BEND2: variants seen among roughly 807,000 people sequenced by gnomAD.
BEND2 encodes BEN domain containing 2, also known as BEN domain-containing protein 2.
In BEND2, 19 loss-of-function variants were observed where a neutral mutation model predicts 43.8. The observed-to-expected ratio is 0.43, with a 90% CI of 0.30 to 0.64. The LOEUF is 0.64. Among genes scored for constraint, BEND2 ranks in the 30% least tolerant of loss-of-function variants. BEND2 has a pLI of 0.11. For missense variants in BEND2, 544 were observed against 574.0 expected (o/e 0.95, Z 0.53); for synonymous variants, 226 against 210.1 (o/e 1.08, Z -0.66).
chrX:18,177,989 A>G (rs970593583), intron 9 of BEND2, among the ~76,000 whole-genome samples: 4 of 111,393 alleles, frequency 3.6e-5, no homozygotes, highest in Non-Finnish European at 5.7e-5. Flanking sequence ...CCATCTGCCA[A>G]ACTGTCAACA....
rs1203015789 is a variant in BEND2 at position 18,174,129 on chromosome X, T to G, written c.1882A>C (p.Met628Leu). Residue 628 changes from methionine to leucine, a missense_variant, in exon 12 of 14, where the codon ATG (methionine) becomes CTG (leucine). By Grantham distance (15) the Met-to-Leu change is conservative. Around this residue, in one of 2 missense-constraint regions of BEND2, gnomAD observed 501 missense variants for 501.6 expected, o/e 1.00. Coordinates refer to ENST00000380033, the MANE Select transcript of BEND2 (RefSeq NM_153346.5). ...WMFQPMNNSK[M>L]REKRNLQPNS... ...GGCTGCAAGTTCCTCTTTTCTCTCA[T>G]TTTGGAGTTATTCATTGGCTGAAAC... 1.7e-6 allele frequency: 2 copies of G among 1,211,707 alleles called. 1 individual carries two copies. The highest frequency in any genetic ancestry group is 4.3e-5 in the Admixed American group (2 of 46,040).
intron 4 of BEND2, among the ~76,000 whole-genome samples, chrX:18,211,203 C>T (rs1460454424): frequency 8.9e-6 from 1 of 111,779 alleles, no homozygotes; most frequent in South Asian, 3.7e-4. Flanking sequence ...TAAACAAATA[C>T]ATTTTCTGTT....
chrX:18,176,673 T>C (rs1046085520), intron 10 of BEND2, among the ~76,000 whole-genome samples: 17 of 110,048 alleles, frequency 1.5e-4, no homozygotes, highest in Non-Finnish European at 1.9e-5. Context: ...AGCAAGACCA[T>C]GCGTCTGAAA....
At chrX:18,191,257 C>T (rs902804193) in intron 7 of BEND2, 149 bp from the exon 8 acceptor site, 91 of 427,878 alleles carry the variant, frequency 2.1e-4, no homozygotes, top group Middle Eastern at 6.7e-4. Context: ...CTTTAAAAAA[C>T]GGTGACTGGC....
Position 18,195,417 on chromosome X carries a change from C to T in BEND2, c.1059G>A (p.Met353Ile). Reference protein sequence around the residue: ...YFAEKIILTEMPGTTETNVEN... With the variant: ...YFAEKIILTEIPGTTETNVEN... ...CCACGTTGGTTTCTGTTGTTCCTGG[C>T]ATTTCAGTAAGTATAATTTTCTCAG... Residue 353 changes from methionine to isoleucine, a missense_variant, in exon 7 of 14, where the codon ATG becomes ATA. Physicochemically the swap from Met to Ile is conservative, Grantham distance 10 (BLOSUM62 1). Coordinates refer to ENST00000380033, the MANE Select transcript of BEND2 (RefSeq NM_153346.5). The T allele has an allele frequency of 8.3e-7, 1 of 1,204,640 alleles. No homozygotes were observed. The highest frequency in any genetic ancestry group is 1.1e-6 in the Non-Finnish European group (1 of 891,792).
chrX:18,196,835 G>A (rs1924969928), intron 6 of BEND2, among the ~76,000 whole-genome samples: 2 of 111,364 alleles, frequency 1.8e-5, no homozygotes, highest in Non-Finnish European at 1.9e-5. Flanking sequence ...GAGAGGTGGG[G>A]GTGGTTATCA....
intron 5 of BEND2, among the ~76,000 whole-genome samples, chrX:18,203,046 A>G (rs141115867): frequency 0.033 from 3,731 of 111,595 alleles, 150 homozygotes; most frequent in African/African-American, 0.11. Context: ...ATATGCATCC[A>G]ATTATATAAC....
At chrX:18,210,929 G>A (rs915436677) in intron 4 of BEND2, among the ~76,000 whole-genome samples, 4 of 111,179 alleles carry the variant, frequency 3.6e-5, no homozygotes, top group Non-Finnish European at 5.7e-5. Context: ...AAAATTAATC[G>A]AATTAGCCCA....
intron 8 of BEND2, among the ~76,000 whole-genome samples, chrX:18,190,481 T>C (rs1408541196): frequency 9.0e-6 from 1 of 111,613 alleles, no homozygotes; most frequent in Non-Finnish European, 1.9e-5. Context: ...GGTTAAATGG[T>C]ATATCAGTCC....
chrX:18,165,145 T>C lies in BEND2; in HGVS notation c.2264A>G (p.Asn755Ser). The C allele has an allele frequency of 5.8e-6, 7 of 1,210,171 alleles. No individual in the cohort carries two copies. Among genetic ancestry groups the C allele is most frequent in the Non-Finnish European group, 6.7e-6 (6 of 895,214 alleles). ...ATGTCTAAGGCTACGGATACCGCTGTTGATGGAGGTCACACACGACTTCCA... is the reference window on the plus strand; with the variant it reads ...ATGTCTAAGGCTACGGATACCGCTGCTGATGGAGGTCACACACGACTTCCA... ...RDWKSCVTSI[N>S]SGIRSLRHDV... Residue 755 changes from asparagine to serine, a missense_variant, in exon 14 of 14, where the codon AAC becomes AGC. Asn to Ser is a conservative substitution (Grantham distance 46, BLOSUM62 1). Transcript: ENST00000380033.
rs765356565 is a variant in BEND2, at chrX:18,179,814, C to G, written c.1429+696G>C. Among the ~76,000 whole-genome samples the G allele has an allele frequency of 5.3e-5, 6 of 112,666 alleles. No homozygotes were observed. In the South Asian group the frequency reaches 2.2e-3, roughly 42 times the overall value. On this transcript the variant is annotated intron_variant, in intron 9 of 13. Transcript: ENST00000380033. Reference sequence around the variant, plus strand: ...TATTTGGAAGGCTTACCCTTAGAAGCCACAGAGCTTGGGGTCCCCTCATCT... The same window carrying G: ...TATTTGGAAGGCTTACCCTTAGAAGGCACAGAGCTTGGGGTCCCCTCATCT...
chrX:18,201,418 C>CAAAAAAAAAAAAAAAAAAAAAAAAAAAAA (rs367821568), intron 6 of BEND2, among the ~76,000 whole-genome samples: 3 of 52,791 alleles, frequency 5.7e-5, no homozygotes, highest in African/African-American at 8.0e-5. Context: ...AAAAAAAAAA[C>CAAAAAAAAAAAAAAAAAAAAAAAAAAAAA]AAAAAAAAAA....
intron 10 of BEND2, 89 bp from the exon 11 acceptor site, chrX:18,176,182 A>G: frequency 1.2e-6 from 1 of 854,097 alleles, no homozygotes; most frequent in South Asian, 2.9e-5. Flanking sequence ...TGACTTTTAG[A>G]TGGTTACATT....
chrX:18,173,829 A>C (rs1265009295), intron 12 of BEND2, among the ~76,000 whole-genome samples: 1 of 111,770 alleles, frequency 8.9e-6, no homozygotes, highest in Non-Finnish European at 1.9e-5. Context: ...GAAAAATAAC[A>C]ATCAGTCTTA....
Position 18,203,544 on chromosome X carries a change from G to A in BEND2, c.864C>T (p.Gly288=), listed in dbSNP as rs146085142. The stretch of plus-strand genomic sequence containing the variant: ...AGAAAGATGACAAGGCTCTACCTGG[G>A]CCCACATTTTCATTTTCTGGTAGAG... ...YSALPENENV[G]PGRALSSFCF... is the part of the protein sequence containing the mutation. The change falls in exon 5 of 14, where the codon GGC becomes GGT. Residue 288 remains glycine, a synonymous_variant. Transcript: ENST00000380033. The A allele has an allele frequency of 1.0e-4, 123 of 1,209,393 alleles. No individual in the cohort carries two copies. In the African/African-American group the frequency reaches 1.8e-3, roughly 17 times the overall value.
chrX:18,210,129 A>C (rs1925459947), intron 4 of BEND2, among the ~76,000 whole-genome samples: 1 of 110,463 alleles, frequency 9.1e-6, no homozygotes, highest in African/African-American at 3.3e-5. Flanking sequence ...TCTAATGAAA[A>C]GAAGCATACA....
intron 1 of BEND2, among the ~76,000 whole-genome samples, chrX:18,219,684 T>A (rs1038978016): frequency 8.9e-6 from 1 of 111,819 alleles, no homozygotes; most frequent in East Asian, 2.8e-4. Context: ...GGCGGGAGCA[T>A]TGCCTGAGCC....
rs141555205 is a variant in BEND2, at chrX:18,193,062, A to C, written c.1181-1954T>G. Among the ~76,000 whole-genome samples the C allele has an allele frequency of 3.5e-3, 390 of 112,347 alleles. 3 individuals are homozygous for C. Among genetic ancestry groups the C allele is most frequent in the African/African-American group, 0.011 (353 of 30,962 alleles). On this transcript the variant is annotated intron_variant, in intron 7 of 13. Coordinates refer to ENST00000380033, the MANE Select transcript of BEND2 (RefSeq NM_153346.5). ...TTGGGTGCAGTGGCTCATGCCTGTA[A>C]TCCCAGCACTTTGGGAGGCCGAAGT...
intron 1 of BEND2, among the ~76,000 whole-genome samples, chrX:18,218,140 C>T (rs1409861678): frequency 9.1e-6 from 1 of 109,638 alleles, no homozygotes; most frequent in Non-Finnish European, 1.9e-5. Flanking sequence ...GAAGAAGAAG[C>T]ATGTTCCCAA....
Sources: allele counts gnomAD v4.1 joint callset (sites outside exome capture counted in the v4.1 genomes callset), GRCh38; gene constraint gnomAD v4.1.1; regional missense constraint gnomAD v4.1.1; transcripts MANE v1.5; gene names NCBI Gene and HGNC (gene_info 2026-07-23, HGNC 2026-07-21).